Variants in TCF20 observed in about 807,000 individuals in gnomAD.
TCF20 encodes the protein SPRE-binding protein.
In TCF20, 3 loss-of-function variants were observed where a neutral mutation model predicts 148.6. The ratio of observed to expected loss-of-function variants is 0.02; its 90% CI spans 0.01 to 0.05. TCF20 has a LOEUF of 0.05. Among genes scored for constraint, TCF20 ranks in the 10% least tolerant of loss-of-function variants. The pLI is 1.00. For missense variants in TCF20, 2,350 were observed against 2,429.3 expected (o/e 0.97, Z 0.69); for synonymous variants, 1,049 against 909.5 (o/e 1.15, Z -2.76).
chr22:42,298,501 T>C (rs918094884), intron 1 of TCF20, among the ~76,000 whole-genome samples: 1 of 152,202 alleles, frequency 6.6e-6, no homozygotes, highest in African/African-American at 2.4e-5. Flanking sequence ...TCCTTGGCTA[T>C]CACTGAAGAC....
At chr22:42,217,963 C>T (rs1039255818) in intron 1 of TCF20, among the ~76,000 whole-genome samples, 4 of 152,210 alleles carry the variant, frequency 2.6e-5, no homozygotes, top group African/African-American at 7.2e-5. Context: ...CCAAAACAAT[C>T]GCTAAACATT....
At chr22:42,233,240 G>A (rs1314961707) in intron 1 of TCF20, among the ~76,000 whole-genome samples, 3 of 152,122 alleles carry the variant, frequency 2.0e-5, no homozygotes, top group Admixed American at 6.5e-5. Flanking sequence ...ATATATTATA[G>A]TCTCATTTAA....
chr22:42,321,102 A>G (rs1107526), intron 1 of TCF20, among the ~76,000 whole-genome samples: 66,362 of 152,192 alleles, frequency 0.44, 14,706 homozygotes, highest in East Asian at 0.58. Context: ...AGCCGCGCGC[A>G]AGCAATTCAG....
At chr22:42,217,450 T>TA (rs754954016) in intron 1 of TCF20, among the ~76,000 whole-genome samples, 5 of 152,202 alleles carry the variant, frequency 3.3e-5, no homozygotes, top group Non-Finnish European at 5.9e-5. Flanking sequence ...GCCCCATACT[T>TA]ACTCCAAACA....
At chr22:42,193,597 G>A (rs934970303) in intron 2 of TCF20, among the ~76,000 whole-genome samples, 1 of 152,024 alleles carries the variant, frequency 6.6e-6, no homozygotes, top group African/African-American at 2.4e-5. Flanking sequence ...TGAAGTGATG[G>A]GATTACAGAT....
intron 5 of TCF20, 94 bp from the exon 6 acceptor site, chr22:42,161,452 CA>C: frequency 6.4e-7 from 1 of 1,567,288 alleles, no homozygotes; most frequent in South Asian, 1.1e-5. Context: ...GAGCTTTCAG[CA>C]GGGAGCCTGC....
At chr22:42,323,569 G>C (rs1927774117) in intron 1 of TCF20, among the ~76,000 whole-genome samples, 2 of 151,758 alleles carry the variant, frequency 1.3e-5, no homozygotes, top group Non-Finnish European at 2.9e-5. Context: ...CAAAGTGAGA[G>C]CTTTCAGGAG....
At chr22:42,303,174 C>T (rs1157424632) in intron 1 of TCF20, among the ~76,000 whole-genome samples, 3 of 152,248 alleles carry the variant, frequency 2.0e-5, no homozygotes, top group African/African-American at 7.2e-5. Flanking sequence ...ATGTGATCTA[C>T]CTGCCTTGGC....
At chr22:42,287,440 G>T (rs969056329), upstream of TCF20, among the ~76,000 whole-genome samples, 1 of 152,222 alleles carries the variant, frequency 6.6e-6, no homozygotes, top group African/African-American at 2.4e-5. Flanking sequence ...ACTCCAGGCT[G>T]TCCAGTTCTA....
At chr22:42,234,483 G>A (rs1923701519) in intron 1 of TCF20, among the ~76,000 whole-genome samples, 1 of 152,168 alleles carries the variant, frequency 6.6e-6, no homozygotes, top group African/African-American at 2.4e-5. Context: ...ATTAATTCCT[G>A]TGAAATGAAC....
intron 1 of TCF20, among the ~76,000 whole-genome samples, chr22:42,261,274 T>C (rs1255400206): frequency 6.6e-6 from 1 of 152,242 alleles, no homozygotes; most frequent in Non-Finnish European, 1.5e-5. Flanking sequence ...GTTTTGGTTA[T>C]TATTTGGCTA....
intron 1 of TCF20, among the ~76,000 whole-genome samples, chr22:42,216,402 T>C (rs5758652): frequency 0.18 from 27,140 of 152,122 alleles, 2,671 homozygotes; most frequent in East Asian, 0.34. Context: ...AGCTTTACTA[T>C]AATTGCCAAC....
chr22:42,220,492 A>G (rs1386467248), intron 1 of TCF20, among the ~76,000 whole-genome samples: 1 of 152,158 alleles, frequency 6.6e-6, no homozygotes, highest in Non-Finnish European at 1.5e-5. Context: ...GCCTGGCCCC[A>G]GCTAATTTTT....
intron 2 of TCF20, among the ~76,000 whole-genome samples, chr22:42,199,102 T>C (rs756881065): frequency 6.6e-6 from 1 of 152,214 alleles, no homozygotes; most frequent in Non-Finnish European, 1.5e-5. Flanking sequence ...GTCAGATATG[T>C]TGGGTTATCA....
Position 42,212,436 on chromosome 22 carries a change from T to G in TCF20, c.2870A>C (p.Lys957Thr). 1 of 1,614,240 alleles carries G rather than the reference T, an allele frequency of 6.2e-7. No individual in the cohort carries two copies. The highest frequency in any genetic ancestry group is 8.5e-7 in the Non-Finnish European group (1 of 1,180,040). The change falls in exon 2 of 6, where the codon AAG (lysine) becomes ACG (threonine). Residue 957 changes from lysine to threonine, a missense_variant. Physicochemically the swap from Lys to Thr is moderately conservative, Grantham distance 78 (BLOSUM62 -1). Around this residue, in one of 7 missense-constraint regions of TCF20, gnomAD observed 1,641 missense variants for 1,662.6 expected, o/e 0.99. Transcript: ENST00000677622. ...GGCATTGCCGCGGTAAGACTCATGC[T>G]TGATGCTAGGAGGATGGCAGTGGTC... ...SGDHCHPPSI[K>T]HESYRGNASP... is the part of the protein sequence containing the mutation.
chr22:42,219,551 T>C (rs1922157973), intron 1 of TCF20, among the ~76,000 whole-genome samples: 1 of 151,256 alleles, frequency 6.6e-6, no homozygotes, highest in African/African-American at 2.4e-5. Flanking sequence ...CCTAAGGAAC[T>C]TGCATACACA....
intron 1 of TCF20, among the ~76,000 whole-genome samples, chr22:42,226,098 C>T (rs949895845): frequency 6.6e-6 from 1 of 152,156 alleles, no homozygotes; most frequent in African/African-American, 2.4e-5. Context: ...CACTCCATGG[C>T]TATCTGTCTT....
chr22:42,323,869 G>GTGGTGGTGGTGATGGAGGTTA (rs1569209619), intron 1 of TCF20, among the ~76,000 whole-genome samples: 2 of 135,416 alleles, frequency 1.5e-5, no homozygotes, highest in African/African-American at 2.6e-5. Flanking sequence ...TATGGTGGTG[G>GTGGTGGTGGTGATGGAGGTTA]TGGTGGTGGT....
At chr22:42,339,947 G>A (rs1395551777) in intron 1 of TCF20, among the ~76,000 whole-genome samples, 1 of 152,132 alleles carries the variant, frequency 6.6e-6, no homozygotes, top group African/African-American at 2.4e-5. Flanking sequence ...CCTGGGAAGG[G>A]GGCCTCAGTC....
Sources: allele counts gnomAD v4.1 joint callset (sites outside exome capture counted in the v4.1 genomes callset), GRCh38; gene constraint gnomAD v4.1.1; regional missense constraint gnomAD v4.1.1; transcripts MANE v1.5; gene names NCBI Gene and HGNC (gene_info 2026-07-23, HGNC 2026-07-21).